The following TRERF1 variants were observed in gnomAD, a reference collection of about 807,000 sequenced individuals.
TRERF1 encodes transcriptional-regulating factor 1.
In TRERF1, 27 loss-of-function variants were observed where a neutral mutation model predicts 122.9. The ratio of observed to expected loss-of-function variants is 0.22; its 90% confidence interval spans 0.16 to 0.30. TRERF1 has a LOEUF of 0.30. Ranked by LOEUF, TRERF1 falls within the 10% of genes least tolerant of loss-of-function variation. The probability of loss-of-function intolerance (pLI) is 1.00; values close to 1 mark genes in which losing one functional copy is unlikely to be tolerated. For synonymous variants in TRERF1, 636 were observed against 641.7 expected, an observed-to-expected ratio of 0.99 and a Z score of 0.13; for missense variants, 1,248 against 1,560.3, an observed-to-expected ratio of 0.80 and a Z score of 3.37.
intron 3 of TRERF1, among the ~76,000 whole-genome samples, chr6:42,357,191 T>A (rs1395649507): frequency 6.6e-6 from 1 of 151,600 alleles, no homozygotes; most frequent in Admixed American, 6.6e-5. Context: ...TAGCCAGGCA[T>A]GGTGGTGCGT....
At chr6:42,343,730 T>C (rs1263183538) in intron 3 of TRERF1, among the ~76,000 whole-genome samples, 1 of 152,232 alleles carries the variant, frequency 6.6e-6, no homozygotes, top group African/African-American at 2.4e-5. Context: ...TTTGTGGTGG[T>C]GCTGTTTTTC....
At chr6:42,320,319 G>C (rs1763202484) in intron 3 of TRERF1, among the ~76,000 whole-genome samples, 1 of 152,088 alleles carries the variant, frequency 6.6e-6, no homozygotes, top group African/African-American at 2.4e-5. Flanking sequence ...AGGATTAAAA[G>C]TTCCTACTTT....
intron 4 of TRERF1, among the ~76,000 whole-genome samples, chr6:42,288,953 CTGTGTGTGTGTGTGTGTGTG>C (rs3074800): frequency 1.4e-5 from 2 of 144,322 alleles, no homozygotes; most frequent in South Asian, 4.5e-4. Context: ...ATCTTGAACT[CTGTGTGTGTGTGTGTGTGTG>C]TGTGTGTGTG....
At chr6:42,256,622 C>A (rs547904102) in intron 12 of TRERF1, 106 bp downstream of exon 12, 5 of 917,288 alleles carry the variant, frequency 5.5e-6, no homozygotes, top group South Asian at 1.4e-5. Flanking sequence ...GGTCATCATG[C>A]GCCGATTGGT....
At chr6:42,238,837 A>T (rs1304723153) in intron 15 of TRERF1, among the ~76,000 whole-genome samples, 1 of 113,364 alleles carries the variant, frequency 8.8e-6, no homozygotes, top group Non-Finnish European at 1.9e-5. Context: ...CATGCATTTC[A>T]CACACACACA....
chr6:42,417,001 C>T (rs1781924680), intron 2 of TRERF1, among the ~76,000 whole-genome samples: 1 of 152,042 alleles, frequency 6.6e-6, no homozygotes, highest in African/African-American at 2.4e-5. Context: ...ATAGCCTCCA[C>T]CCCAAACCTT....
intron 2 of TRERF1, among the ~76,000 whole-genome samples, chr6:42,387,581 T>C (rs1777017932): frequency 6.6e-6 from 1 of 152,246 alleles, no homozygotes. Context: ...ACTCTATTAA[T>C]TTTATGTTCA....
intron 3 of TRERF1, among the ~76,000 whole-genome samples, chr6:42,328,566 T>C (rs1764715943): frequency 6.6e-6 from 1 of 152,180 alleles, no homozygotes; most frequent in Admixed American, 6.5e-5. Context: ...TCTCATCACT[T>C]AGCTCTCACT....
chr6:42,357,096 C>T (rs181601513), intron 3 of TRERF1, among the ~76,000 whole-genome samples: 161 of 151,642 alleles, frequency 1.1e-3, no homozygotes, highest in African/African-American at 2.0e-3. Flanking sequence ...TTTGGGAGGC[C>T]GAGGCAGATG....
chr6:42,283,483 G>A (rs1382666703), intron 4 of TRERF1, among the ~76,000 whole-genome samples: 1 of 151,928 alleles, frequency 6.6e-6, no homozygotes, highest in Non-Finnish European at 1.5e-5. Context: ...GTAGAAACTG[G>A]GCTAATTGGG....
chr6:42,325,404 G>T (rs764943450), intron 3 of TRERF1, among the ~76,000 whole-genome samples: 3 of 152,134 alleles, frequency 2.0e-5, no homozygotes, highest in Non-Finnish European at 2.9e-5. Context: ...CCTATTACTG[G>T]ATATATACCC....
intron 3 of TRERF1, among the ~76,000 whole-genome samples, chr6:42,335,116 C>G (rs1765914064): frequency 6.6e-6 from 1 of 152,188 alleles, no homozygotes; most frequent in Non-Finnish European, 1.5e-5. Flanking sequence ...TTTATGAGAT[C>G]AGCTATGGAG....
intron 15 of TRERF1, among the ~76,000 whole-genome samples, chr6:42,237,139 T>A (rs9462787): frequency 0.033 from 4,997 of 152,290 alleles, 293 homozygotes; most frequent in African/African-American, 0.11. Context: ...CAAGAAAAAC[T>A]TTTCCTATGA....
intron 16 of TRERF1, among the ~76,000 whole-genome samples, chr6:42,235,678 T>C (rs1771988400): frequency 6.6e-6 from 1 of 152,228 alleles, no homozygotes; most frequent in Non-Finnish European, 1.5e-5. Context: ...TTTAGTTAAA[T>C]CTTTGTAACA....
At chr6:42,357,806 A>G (rs1046583270) in intron 3 of TRERF1, among the ~76,000 whole-genome samples, 9 of 152,236 alleles carry the variant, frequency 5.9e-5, no homozygotes, top group African/African-American at 2.2e-4. Flanking sequence ...AAAGCCAGGC[A>G]GACGTGTAAT....
At chr6:42,395,937 G>A (rs1454867390) in intron 2 of TRERF1, among the ~76,000 whole-genome samples, 1 of 152,098 alleles carries the variant, frequency 6.6e-6, no homozygotes, top group African/African-American at 2.4e-5. Context: ...TGACCACACT[G>A]TTCAACCAAC....
chr6:42,387,995 A>G (rs1369325717), intron 2 of TRERF1, among the ~76,000 whole-genome samples: 2 of 152,076 alleles, frequency 1.3e-5, no homozygotes, highest in African/African-American at 4.8e-5. Context: ...TTTAGTAAAG[A>G]CAGGGTCTCA....
chr6:42,288,200 T>C (rs569419950), intron 4 of TRERF1, among the ~76,000 whole-genome samples: 4 of 152,124 alleles, frequency 2.6e-5, no homozygotes, highest in South Asian at 2.1e-4. Context: ...GTCAGTTATA[T>C]AGGGCTTGCA....
intron 2 of TRERF1, among the ~76,000 whole-genome samples, chr6:42,443,839 A>G (rs1003796666): frequency 1.1e-4 from 17 of 152,222 alleles, no homozygotes; most frequent in Non-Finnish European, 2.4e-4. Context: ...GTCAGATTTT[A>G]TATCTGAAAA....
Sources: allele counts gnomAD v4.1 joint callset (sites outside exome capture counted in the v4.1 genomes callset), GRCh38; gene constraint gnomAD v4.1.1; transcripts MANE v1.5; gene names NCBI Gene and HGNC (gene_info 2026-07-23, HGNC 2026-07-21).